The following CLCN6 variants were observed in gnomAD, a reference collection of about 807,000 sequenced individuals.
The protein encoded by CLCN6 is Cl-/H+ antiporter 6.
CLCN6 carries 70 observed loss-of-function variants against 109.8 expected under a neutral mutation model. The ratio of observed to expected loss-of-function variants is 0.64; its 90% CI spans 0.53 to 0.78. The LOEUF (loss-of-function observed/expected upper bound fraction) is 0.78. Among genes scored for constraint, CLCN6 ranks in the 30% least tolerant of loss-of-function variants. The probability of loss-of-function intolerance (pLI) is 0.00; values close to 1 mark genes in which losing one functional copy is unlikely to be tolerated. For missense variants in CLCN6, 984 were observed against 1,142.3 expected (o/e 0.86, Z 2.00); for synonymous variants, 444 against 447.8 (o/e 0.99, Z 0.11).
intron 2 of CLCN6, among the ~76,000 whole-genome samples, chr1:11,814,517 G>A (rs981116105): frequency 3.9e-5 from 6 of 151,920 alleles, no homozygotes; most frequent in African/African-American, 1.5e-4. Flanking sequence ...CAAAGTGCTG[G>A]GATTACAGGT....
chr1:11,828,681 G>A, intron 12 of CLCN6, 57 bp downstream of exon 12: 5 of 1,525,336 alleles, frequency 3.3e-6, no homozygotes, highest in Non-Finnish European at 4.4e-6. Flanking sequence ...GCTTGGTGTG[G>A]GCCGCGCCAT....
intron 2 of CLCN6, among the ~76,000 whole-genome samples, chr1:11,814,247 C>CTTTTT (rs1197587407): frequency 3.0e-5 from 4 of 131,224 alleles, no homozygotes; most frequent in African/African-American, 1.1e-4. Context: ...ACTGCTGCGT[C>CTTTTT]TTTTTTTTTT....
At chr1:11,809,703 C>T (rs1326111289) in intron 2 of CLCN6, among the ~76,000 whole-genome samples, 2 of 152,212 alleles carry the variant, frequency 1.3e-5, no homozygotes, top group Non-Finnish European at 2.9e-5. Flanking sequence ...GGTGATCCAC[C>T]CACCTCAGCC....
rs1644527466 is a variant in CLCN6 at position 11,807,199 on chromosome 1, C to T, written c.147+9C>T. The T allele has an allele frequency of 8.1e-6, 13 of 1,613,480 alleles. No homozygotes were observed. The highest frequency in any genetic ancestry group is 1.1e-5 in the Non-Finnish European group (13 of 1,179,426). ...CAAGGAAAGACTATGAGGTGAGCTC[C>T]TTTGATACTGCTTGGGCAACTAAAG... is the stretch of plus-strand genomic sequence containing the variant. On this transcript the variant is annotated intron_variant, in intron 2 of 22. Coordinates refer to ENST00000346436, the MANE Select transcript of CLCN6 (RefSeq NM_001286.5).
intron 2 of CLCN6, among the ~76,000 whole-genome samples, chr1:11,814,734 A>T (rs1199498310): frequency 6.6e-6 from 1 of 152,078 alleles, no homozygotes; most frequent in African/African-American, 2.4e-5. Context: ...GCCTCTTCCT[A>T]ACATAAAGTG....
At position 11,816,693 on chromosome 1, in the gene CLCN6, G is replaced by C; in HGVS notation, c.279+13G>C. 4 of 1,609,278 alleles carry C rather than the reference G, an allele frequency of 2.5e-6. No individual in the cohort carries two copies. Among genetic ancestry groups the C allele is most frequent in the Non-Finnish European group, 3.4e-6 (4 of 1,177,386 alleles). On this transcript the variant is annotated intron_variant, in intron 4 of 22. Coordinates refer to ENST00000346436, the MANE Select transcript of CLCN6 (RefSeq NM_001286.5). ...CTGCACTGGCCTGGTGAGGAGGCAG[G>C]GCCTGGAGGGATGGTGGGCCATAGG...
chr1:11,806,655 C>G (rs886288507), intron 1 of CLCN6: 35 of 409,564 alleles, frequency 8.5e-5, no homozygotes, highest in Non-Finnish European at 9.9e-5. Context: ...AATGAGCTTC[C>G]TCACAGGACT....
At chr1:11,810,123 A>T (rs564308517) in intron 2 of CLCN6, among the ~76,000 whole-genome samples, 1 of 152,190 alleles carries the variant, frequency 6.6e-6, no homozygotes, top group East Asian at 1.9e-4. Flanking sequence ...CTCTACCTTG[A>T]TAGTCAGTCA....
rs1178326937 is a variant in CLCN6 at position 11,833,539 on chromosome 1, A to G, written c.1273A>G (p.Ile425Val). 6.2e-7 allele frequency: 1 copy of G among 1,614,046 alleles called. No homozygotes were observed. Among genetic ancestry groups the G allele is most frequent in the East Asian group, 2.2e-5 (1 of 44,892 alleles). ...GGTCACAGAAGATGTGAATTCAAGT[A>G]TCAAGACATTTTTTTGTCCCAATGA... ...LQVTEDVNSSIKTFFCPNDTY... is the reference protein window; with the variant it reads ...LQVTEDVNSSVKTFFCPNDTY... Residue 425 changes from isoleucine to valine, a missense_variant, in exon 14 of 23, where the codon ATC becomes GTC. By Grantham distance (29) the Ile-to-Val change is conservative (BLOSUM62 3). Coordinates refer to ENST00000346436, the MANE Select transcript of CLCN6 (RefSeq NM_001286.5).
chr1:11,837,274 G>T (rs897386674), intron 19 of CLCN6, 69 bp from the exon 20 acceptor site: 4 of 1,587,254 alleles, frequency 2.5e-6, no homozygotes, highest in Admixed American at 3.5e-5. Context: ...TGGGGAGCGG[G>T]CTGGGAACAT....
At chr1:11,821,084 C>A (rs545709142) in intron 5 of CLCN6, among the ~76,000 whole-genome samples, 3,627 of 106,370 alleles carry the variant, frequency 0.034, 95 homozygotes, top group Non-Finnish European at 0.049. Flanking sequence ...CAAAAAACAA[C>A]AACAAAAAAA....
At chr1:11,833,459 C>T (rs537547076) in intron 13 of CLCN6, 56 bp from the exon 14 acceptor site, 2 of 1,592,604 alleles carry the variant, frequency 1.3e-6, no homozygotes, top group African/African-American at 2.7e-5. Flanking sequence ...AGACATCCCA[C>T]TTGAAGACTC....
intron 22 of CLCN6, among the ~76,000 whole-genome samples, chr1:11,839,903 G>C (rs571912102): frequency 6.6e-6 from 1 of 152,356 alleles, no homozygotes; most frequent in African/African-American, 2.4e-5. Flanking sequence ...CATGTGCCCT[G>C]TGGAAGGACA....
At chr1:11,810,184 T>C (rs12122443) in intron 2 of CLCN6, among the ~76,000 whole-genome samples, 10,098 of 152,272 alleles carry the variant, frequency 0.066, 386 homozygotes, top group Middle Eastern at 0.095. Flanking sequence ...CCCTTCTTCC[T>C]GTCTCAGGAA....
rs1404522426 is a variant in CLCN6 at position 11,806,433 on chromosome 1, A to G, written c.87+84A>G. 1.6e-5 allele frequency: 21 copies of G among 1,292,954 alleles called. No homozygotes were observed. In the Admixed American group the frequency reaches 5.8e-4, roughly 36 times the overall value. 80.1% of individuals were successfully genotyped at this position (1,292,954 alleles called of 1,614,324 possible). ...CGTTGCCGGGGGTGGGGCCGGGCCAATCTGGGCCCGCAGGTGGCAGCGGGT... is the reference window on the plus strand; with the variant it reads ...CGTTGCCGGGGGTGGGGCCGGGCCAGTCTGGGCCCGCAGGTGGCAGCGGGT... On this transcript the variant is annotated intron_variant, in intron 1 of 22. Coordinates refer to ENST00000346436, the MANE Select transcript of CLCN6 (RefSeq NM_001286.5).
At chr1:11,835,919 G>A in intron 17 of CLCN6, 48 bp from the exon 18 acceptor site, 1 of 1,565,406 alleles carries the variant, frequency 6.4e-7, no homozygotes, top group Non-Finnish European at 8.7e-7. Flanking sequence ...GCTCCCAGGG[G>A]CCTGCGGGCA....
chr1:11,821,007 CAG>C (rs1175056511), intron 5 of CLCN6, among the ~76,000 whole-genome samples: 9 of 150,030 alleles, frequency 6.0e-5, no homozygotes, highest in South Asian at 2.1e-4. Context: ...ACCCGGGAGA[CAG>C]AGGCTGCAGT....
chr1:11,823,477 CAAAAAAAAA>C (rs35345671), intron 6 of CLCN6, among the ~76,000 whole-genome samples: 1 of 142,708 alleles, frequency 7.0e-6, no homozygotes, highest in African/African-American at 2.6e-5. Context: ...AACTCTACCT[CAAAAAAAAA>C]AAAGAAAAAA....
intron 6 of CLCN6, 26 bp downstream of exon 6, chr1:11,822,827 C>G: frequency 6.9e-7 from 1 of 1,459,844 alleles, no homozygotes; most frequent in Non-Finnish European, 9.6e-7. Context: ...TTCACCTGCT[C>G]GCTTAGGAGG....
Sources: allele counts gnomAD v4.1 joint callset (sites outside exome capture counted in the v4.1 genomes callset), GRCh38; gene constraint gnomAD v4.1.1; transcripts MANE v1.5; gene names NCBI Gene and HGNC (gene_info 2026-07-23, HGNC 2026-07-21).